The following GPC5 variants were observed in gnomAD, a reference collection of about 807,000 sequenced individuals.
GPC5 encodes glypican 5.
In GPC5, 47 loss-of-function variants were observed where a neutral mutation model predicts 53.9. The ratio of observed to expected loss-of-function variants is 0.87; its 90% confidence interval spans 0.69 to 1.11. GPC5 has a LOEUF of 1.11. GPC5 is among the 50% of genes most tolerant of loss of function. The pLI is 0.00. For synonymous variants in GPC5, 286 were observed against 263.3 expected (o/e 1.09, Z -0.84); for missense variants, 748 against 713.1 (o/e 1.05, Z -0.56).
intron 7 of GPC5, among the ~76,000 whole-genome samples, chr13:92,210,168 A>G (rs1054515788): frequency 1.3e-5 from 2 of 152,150 alleles, no homozygotes; most frequent in African/African-American, 4.8e-5. Flanking sequence ...GCATCCTTCA[A>G]TCCAATCAAG....
intron 5 of GPC5, among the ~76,000 whole-genome samples, chr13:91,876,901 G>C (rs7333913): frequency 0.59 from 89,705 of 152,030 alleles, 27,293 homozygotes; most frequent in East Asian, 0.96. Flanking sequence ...GGCCCAGGGT[G>C]CCTGTGCTAT....
At chr13:92,058,220 T>G (rs952074841) in intron 6 of GPC5, among the ~76,000 whole-genome samples, 7 of 152,206 alleles carry the variant, frequency 4.6e-5, no homozygotes, top group African/African-American at 1.7e-4. Flanking sequence ...GTAGAGATGG[T>G]CTCACTGTGT....
At chr13:92,262,562 G>A (rs16947189) in intron 7 of GPC5, among the ~76,000 whole-genome samples, 30,235 of 152,044 alleles carry the variant, frequency 0.2, 3,136 homozygotes, top group South Asian at 0.37. Context: ...TTGAGCTCAC[G>A]TGTTTTCAGT....
intron 6 of GPC5, among the ~76,000 whole-genome samples, chr13:92,122,594 C>A (rs1403941526): frequency 1.3e-5 from 2 of 150,698 alleles, no homozygotes; most frequent in African/African-American, 4.9e-5. Context: ...GCCTTGTAGG[C>A]AGTTTTCTTG....
At chr13:92,433,667 A>C (rs1304126013) in intron 7 of GPC5, among the ~76,000 whole-genome samples, 1 of 152,170 alleles carries the variant, frequency 6.6e-6, no homozygotes, top group Non-Finnish European at 1.5e-5. Context: ...GTAGTAGAGA[A>C]ATCAACTAAA....
At chr13:92,486,925 G>A (rs781439930) in intron 7 of GPC5, among the ~76,000 whole-genome samples, 6 of 151,356 alleles carry the variant, frequency 4.0e-5, no homozygotes, top group Non-Finnish European at 7.4e-5. Context: ...GCGTTATCTC[G>A]GCTCACTGTA....
chr13:92,364,468 C>T (rs191001852), intron 7 of GPC5, among the ~76,000 whole-genome samples: 2 of 151,894 alleles, frequency 1.3e-5, no homozygotes, highest in South Asian at 2.1e-4. Context: ...CGGTGGCTTA[C>T]GCCTGTAATC....
At chr13:91,749,238 A>G (rs1444638652) in intron 4 of GPC5, among the ~76,000 whole-genome samples, 1 of 152,034 alleles carries the variant, frequency 6.6e-6, no homozygotes, top group Non-Finnish European at 1.5e-5. Context: ...GTCCATGAGT[A>G]CCCATTGTTT....
At chr13:92,322,684 A>G (rs2043224177) in intron 7 of GPC5, among the ~76,000 whole-genome samples, 1 of 152,204 alleles carries the variant, frequency 6.6e-6, no homozygotes, top group African/African-American at 2.4e-5. Flanking sequence ...TTAAGTAGAA[A>G]TATATTTCAT....
intron 7 of GPC5, among the ~76,000 whole-genome samples, chr13:92,846,970 T>C (rs983094570): frequency 1.3e-5 from 2 of 152,186 alleles, no homozygotes; most frequent in South Asian, 2.1e-4. Flanking sequence ...TTTGCGGGGA[T>C]AGTGAGATAT....
intron 7 of GPC5, chr13:92,339,769 G>T (rs1357898946): frequency 6.6e-6 from 1 of 151,950 alleles, no homozygotes; most frequent in Non-Finnish European, 1.5e-5. Flanking sequence ...TTCTCAAAAG[G>T]CATTAAAGGG....
At chr13:92,662,199 C>T (rs1465826709) in intron 7 of GPC5, among the ~76,000 whole-genome samples, 1 of 152,094 alleles carries the variant, frequency 6.6e-6, no homozygotes, top group Non-Finnish European at 1.5e-5. Context: ...TGTAAGCAAT[C>T]CCATTGTCAC....
At chr13:91,803,777 G>GACAC (rs200458829) in intron 5 of GPC5, among the ~76,000 whole-genome samples, 46 of 113,802 alleles carry the variant, frequency 4.0e-4, no homozygotes, top group African/African-American at 1.1e-3. Flanking sequence ...CAGACAGACA[G>GACAC]ACAGACACAC....
intron 6 of GPC5, among the ~76,000 whole-genome samples, chr13:92,083,419 A>T (rs1419199453): frequency 6.6e-6 from 1 of 152,186 alleles, no homozygotes; most frequent in Non-Finnish European, 1.5e-5. Context: ...AAAGAAAAAA[A>T]CATATATAGA....
chr13:92,700,927 C>T (rs375628238), intron 7 of GPC5, among the ~76,000 whole-genome samples: 2 of 152,028 alleles, frequency 1.3e-5, no homozygotes, highest in African/African-American at 2.4e-5. Flanking sequence ...TTACAGGTAT[C>T]TTTCTTAGGG....
At chr13:92,120,200 T>C (rs2041637500) in intron 6 of GPC5, among the ~76,000 whole-genome samples, 1 of 152,160 alleles carries the variant, frequency 6.6e-6, no homozygotes, top group African/African-American at 2.4e-5. Flanking sequence ...AAGTAAACTC[T>C]TGATAAAATT....
At chr13:91,807,374 A>G (rs2038238757) in intron 5 of GPC5, among the ~76,000 whole-genome samples, 1 of 152,188 alleles carries the variant, frequency 6.6e-6, no homozygotes, top group African/African-American at 2.4e-5. Flanking sequence ...TTTAAAGAAA[A>G]TGGGCACACA....
intron 7 of GPC5, among the ~76,000 whole-genome samples, chr13:92,857,024 C>A (rs2138850987): frequency 6.6e-6 from 1 of 152,072 alleles, no homozygotes; most frequent in East Asian, 1.9e-4. Context: ...CCAAAGCAAT[C>A]CTAGGCAAAA....
At chr13:92,162,065 G>A (rs2041993602) in intron 7 of GPC5, among the ~76,000 whole-genome samples, 1 of 144,240 alleles carries the variant, frequency 6.9e-6, no homozygotes, top group South Asian at 2.2e-4. Context: ...AAGATTTTTT[G>A]TCATAATTAT....
Sources: allele counts gnomAD v4.1 joint callset (sites outside exome capture counted in the v4.1 genomes callset), GRCh38; gene constraint gnomAD v4.1.1; transcripts MANE v1.5; gene names NCBI Gene and HGNC (gene_info 2026-07-23, HGNC 2026-07-21).